OTOG: variants seen among roughly 807,000 people sequenced by gnomAD.
OTOG encodes otogelin.
OTOG carries 296 observed loss-of-function variants against 313.8 expected under a neutral mutation model. The ratio of observed to expected loss-of-function variants is 0.94; its 90% CI spans 0.86 to 1.04. OTOG has a LOEUF of 1.04. Ranked by LOEUF, OTOG falls within the 50% of genes least tolerant of loss-of-function variation. The pLI is 0.00. For synonymous variants in OTOG, 1,533 were observed against 1,554.9 expected (o/e 0.99, Z 0.33); for missense variants, 3,948 against 3,840.1 (o/e 1.03, Z -0.74).
Position 17,641,040 on chromosome 11 carries a change from C to T in OTOG, c.8139C>T (p.Asn2713=). Residue 2713 remains asparagine, a synonymous_variant, in exon 51 of 56, where the codon AAC becomes AAT. Coordinates refer to ENST00000399397, the MANE Select transcript of OTOG (RefSeq NM_001292063.2). Reference sequence around the variant, plus strand: ...CCACCGTGCTCGACCCTCTCACCAACTTCTACCAGATCAACACCACCTCCG... The same window carrying T: ...CCACCGTGCTCGACCCTCTCACCAATTTCTACCAGATCAACACCACCTCCG... The part of the protein sequence containing the change: ...RCTTVLDPLT[N]FYQINTTSVL... 1 of 1,517,134 alleles carries T rather than the reference C, an allele frequency of 6.6e-7. No individual in the cohort carries two copies. The highest frequency in any genetic ancestry group is 1.2e-5 in the South Asian group (1 of 83,572). 94.0% of individuals were successfully genotyped at this position (1,517,134 alleles called of 1,614,324 possible). A position where few individuals can be genotyped will look rare whatever the true frequency, so the allele number is the denominator to read the frequency against.
In OTOG at chr11:17,643,504, C is replaced by T; in HGVS notation, c.8459C>T (p.Thr2820Ile). 6.9e-7 allele frequency: 1 copy of T among 1,450,562 alleles called. No homozygotes were observed. 89.9% of individuals were successfully genotyped at this position (1,450,562 alleles called of 1,614,324 possible). A position where few individuals can be genotyped will look rare whatever the true frequency, so the allele number is the denominator to read the frequency against. Residue 2820 changes from threonine (T) to isoleucine (I), a missense_variant and splice_region_variant, in exon 54 of 56, where the codon ACC (threonine) becomes ATC (isoleucine). Physicochemically the swap from Thr to Ile is moderately conservative, Grantham distance 89. Coordinates refer to ENST00000399397, the MANE Select transcript of OTOG (RefSeq NM_001292063.2). ...VVPSLEGCCRTCKEDGRSCKK... is the reference protein window; with the variant it reads ...VVPSLEGCCRICKEDGRSCKK... ...CCTTCCTTGGAAGGATGCTGCAGGA[C>T]CTGTGAGTGAGCATGGTGGGGGCCC...
At chr11:17,600,527 G>T (rs1853223488) in intron 31 of OTOG, among the ~76,000 whole-genome samples, 1 of 152,192 alleles carries the variant, frequency 6.6e-6, no homozygotes, top group Admixed American at 6.5e-5. Flanking sequence ...GCTTGACTGT[G>T]GTGGGTGAAG....
At chr11:17,573,974 G>A (rs1343490919) in intron 19 of OTOG, among the ~76,000 whole-genome samples, 1 of 152,200 alleles carries the variant, frequency 6.6e-6, no homozygotes, top group Admixed American at 6.5e-5. Context: ...CTGCATATTA[G>A]AGTTACCATA....
chr11:17,605,719 T>G (rs1590036830), intron 32 of OTOG, 138 bp from the exon 33 acceptor site: 1 of 922,806 alleles, frequency 1.1e-6, no homozygotes, highest in Non-Finnish European at 1.6e-6. Flanking sequence ...TGGGGGCTGG[T>G]GTAGGGGGCA....
At chr11:17,570,093 C>A in intron 16 of OTOG, 120 bp from the exon 17 acceptor site, 1 of 876,238 alleles carries the variant, frequency 1.1e-6, no homozygotes, top group Non-Finnish European at 1.7e-6. Context: ...GGCAGGCAGG[C>A]AGGCAGGGGG....
chr11:17,548,201 G>C lies in OTOG; in HGVS notation c.205G>C (p.Val69Leu), dbSNP rs781545227. ...TLAMGDKATV[V>L]GGQQAEAPDS... ...TGCCATGGGGGACAAGGCTACAGTC[G>C]TGGGAGGCCAGGTAAGGGAGGTCTT... is the stretch of plus-strand genomic sequence containing the variant. Residue 69 changes from valine to leucine, a missense_variant, in exon 3 of 56, where the codon GTG becomes CTG. By Grantham distance (32) the Val-to-Leu change is conservative. Coordinates refer to ENST00000399397, the MANE Select transcript of OTOG (RefSeq NM_001292063.2). 3.9e-6 allele frequency: 6 copies of C among 1,547,292 alleles called. No individual in the cohort carries two copies. The highest frequency in any genetic ancestry group is 1.4e-5 in the African/African-American group (1 of 72,964).
chr11:17,563,244 G>A (rs1852227757), intron 15 of OTOG, among the ~76,000 whole-genome samples: 1 of 152,200 alleles, frequency 6.6e-6, no homozygotes, highest in Non-Finnish European at 1.5e-5. Context: ...CCCCAGTCTG[G>A]GCTGTGCCAA....
chr11:17,627,337 G>A (rs1317745850), intron 39 of OTOG, among the ~76,000 whole-genome samples: 1 of 151,912 alleles, frequency 6.6e-6, no homozygotes, highest in Non-Finnish European at 1.5e-5. Context: ...AAGGGATGTT[G>A]AATTTTATTG....
intron 24 of OTOG, among the ~76,000 whole-genome samples, chr11:17,589,051 TTCC>T (rs1852871410): frequency 6.6e-6 from 1 of 152,158 alleles, no homozygotes; most frequent in Non-Finnish European, 1.5e-5. Context: ...CCCACTTCTG[TTCC>T]TCCTCCTGCT....
Position 17,574,898 on chromosome 11 carries a change from C to T in OTOG, c.2472C>T (p.Asp824=). ...PPDTYLDTQA[D]LCVPRNQCSC... ...ACACCTATCTGGACACCCAGGCTGA[C>T]CTCTGTGTCCCCCGGTGAGTGGGTC... The change falls in exon 20 of 56, where the codon GAC becomes GAT. Residue 824 remains aspartate (D), a synonymous_variant. Coordinates refer to ENST00000399397, the MANE Select transcript of OTOG (RefSeq NM_001292063.2). 6.6e-7 allele frequency: 1 copy of T among 1,517,310 alleles called. No homozygotes were observed. The highest frequency in any genetic ancestry group is 8.9e-7 in the Non-Finnish European group (1 of 1,128,260). 94.0% of individuals were successfully genotyped at this position (1,517,310 alleles called of 1,614,324 possible). A position where few individuals can be genotyped will look rare whatever the true frequency, so the allele number is the denominator to read the frequency against.
intron 25 of OTOG, among the ~76,000 whole-genome samples, chr11:17,592,601 C>CT (rs1179352823): frequency 3.9e-5 from 6 of 152,122 alleles, no homozygotes; most frequent in Non-Finnish European, 5.9e-5. Flanking sequence ...CTACAATGTG[C>CT]TTTTTTTACT....
chr11:17,642,378 C>G, intron 53 of OTOG, 132 bp downstream of exon 53: 2 of 1,222,330 alleles, frequency 1.6e-6, no homozygotes, highest in Non-Finnish European at 2.2e-6. Flanking sequence ...ACTGCCACCC[C>G]AAATCCATAT....
intron 15 of OTOG, among the ~76,000 whole-genome samples, chr11:17,563,962 T>C (rs1852248975): frequency 6.6e-6 from 1 of 151,364 alleles, no homozygotes; most frequent in South Asian, 2.1e-4. Context: ...CCTCCCAGTG[T>C]TGGGGTTATA....
chr11:17,563,858 T>G (rs945667076), intron 15 of OTOG, among the ~76,000 whole-genome samples: 4 of 147,778 alleles, frequency 2.7e-5, no homozygotes, highest in Admixed American at 6.7e-5. Context: ...TTTTTGGTTT[T>G]TTTTTTTTTT....
Position 17,590,532 on chromosome 11 carries a change from C to T in OTOG, c.2868-918C>T, listed in dbSNP as rs78910380. Among the ~76,000 whole-genome samples the T allele has an allele frequency of 6.9e-3, 1,053 of 152,386 alleles. 2 individuals carry two copies. The highest frequency in any genetic ancestry group is 0.014 in the Middle Eastern group (4 of 294). The stretch of plus-strand genomic sequence containing the variant: ...GTGCTGCAGTAGCCACTCAGCTGGT[C>T]TTTCTGCTTCCCCTTGACCGCCTTG... On this transcript the variant is annotated intron_variant, in intron 24 of 55. Transcript: ENST00000399397.
chr11:17,551,997 A>C lies in OTOG; in HGVS notation c.217-3A>C. 1 of 1,550,396 alleles carries C rather than the reference A, an allele frequency of 6.4e-7. No individual in the cohort carries two copies. Among genetic ancestry groups the C allele is most frequent in the East Asian group, 2.4e-5 (1 of 40,908 alleles). Reference sequence around the variant, plus strand: ...TGTGTTCTCTTCCTCCTGTCTTCACAAGCAGGCTGAAGCCCCAGACTCCGT... The same window carrying C: ...TGTGTTCTCTTCCTCCTGTCTTCACCAGCAGGCTGAAGCCCCAGACTCCGT... On this transcript the variant is annotated splice_region_variant and splice_polypyrimidine_tract_variant and intron_variant, in intron 3 of 55. Coordinates refer to ENST00000399397, the MANE Select transcript of OTOG (RefSeq NM_001292063.2).
rs979114847 is a variant in OTOG at position 17,606,133 on chromosome 11, T to G, written c.4154T>G (p.Leu1385Arg). The G allele has an allele frequency of 4.2e-5, 64 of 1,528,128 alleles. No homozygotes were observed. The highest frequency in any genetic ancestry group is 5.6e-5 in the Non-Finnish European group (63 of 1,133,646). The allele number at this position is 1,528,128 out of a possible 1,614,324, so 94.7% of individuals were successfully genotyped here. A position where few individuals can be genotyped will look rare whatever the true frequency, so the allele number is the denominator to read the frequency against. ...CGCCGGGGCACACTCTTCCGCCTTC[T>G]GGGTAGGCGACCCCCTGCCATTGCC... The part of the protein sequence containing the change: ...VFRRGTLFRL[L>R]DAKPSGAAYP... Residue 1385 changes from leucine to arginine, a missense_variant and splice_region_variant, in exon 33 of 56, where the codon CTG becomes CGG. By Grantham distance (102) the Leu-to-Arg change is moderately radical (BLOSUM62 -2). Transcript: ENST00000399397.
intron 16 of OTOG, 86 bp from the exon 17 acceptor site, chr11:17,570,127 G>T: frequency 7.9e-7 from 1 of 1,266,788 alleles, no homozygotes; most frequent in South Asian, 1.4e-5. Flanking sequence ...GGGCGTGGGA[G>T]TCTGAGCGGG....
At chr11:17,643,568 T>C in intron 54 of OTOG, 62 bp downstream of exon 54, 1 of 1,244,902 alleles carries the variant, frequency 8.0e-7, no homozygotes, top group Non-Finnish European at 1.1e-6. Context: ...GGGTGTCATG[T>C]CAGGGGACAG....
Sources: allele counts gnomAD v4.1 joint callset (sites outside exome capture counted in the v4.1 genomes callset), GRCh38; gene constraint gnomAD v4.1.1; transcripts MANE v1.5; gene names NCBI Gene and HGNC (gene_info 2026-07-23, HGNC 2026-07-21).